The following CSMD2 variants were observed in gnomAD, a reference collection of about 807,000 sequenced individuals.
The protein encoded by CSMD2 is CUB and sushi domain-containing protein 2.
Under a neutral mutation model 398.5 loss-of-function variants are expected in CSMD2, and 130 were observed. That is an observed-to-expected ratio of 0.33 (90% CI 0.28 to 0.38). The LOEUF is 0.38. CSMD2 is among the 10% of genes least tolerant of loss of function. The pLI is 1.00. For synonymous variants in CSMD2, 1,828 were observed against 1,908.5 expected (o/e 0.96, Z 1.10); for missense variants, 3,829 against 4,764.9 (o/e 0.80, Z 5.78).
intron 46 of CSMD2, 43 bp downstream of exon 46, chr1:33,586,461 A>G (rs748536689): frequency 1.6e-6 from 2 of 1,286,342 alleles, no homozygotes; most frequent in Admixed American, 1.7e-5. Context: ...TTTGTTCAGG[A>G]GGAACTTCTA....
rs1254180903 is a variant in CSMD2, at chr1:34,164,707, GTGAGGGTGGAGGTGAGGACGTGGC to G, written c.187+180_187+203del. ...GGCTGGGGTTGGGGCAGCAGTGAGG[GTGAGGGTGGAGGTGAGGACGTGGC>G]TGAGGGTGGGGTGGGAGACGGAGGC... On this transcript the variant is annotated intron_variant, in intron 1 of 70. Transcript: ENST00000373381. This position sits in a 1 kb window ranked among gnomAD's most constrained non-coding sequence, Gnocchi z 6.2. 1.3e-4 allele frequency among the ~76,000 whole-genome samples: 20 copies of G among 152,090 alleles called. No homozygotes were observed. Among genetic ancestry groups the G allele is most frequent in the Admixed American group, 3.3e-4 (5 of 15,282 alleles).
chr1:33,876,403 T>C (rs570466345), intron 5 of CSMD2, among the ~76,000 whole-genome samples: 21 of 152,324 alleles, frequency 1.4e-4, no homozygotes, highest in African/African-American at 5.1e-4. Flanking sequence ...TTTATTCTTA[T>C]GTATAATGGC....
At chr1:33,625,380 G>T in intron 33 of CSMD2, 126 bp from the exon 34 acceptor site, 1 of 873,016 alleles carries the variant, frequency 1.1e-6, no homozygotes, top group Non-Finnish European at 1.8e-6. Context: ...ATGCTCTCCC[G>T]TAGGGAAGGG....
intron 44 of CSMD2, among the ~76,000 whole-genome samples, chr1:33,593,537 A>G (rs1470950876): frequency 6.6e-6 from 1 of 152,186 alleles, no homozygotes; most frequent in Non-Finnish European, 1.5e-5. Flanking sequence ...ATTTTTTAAA[A>G]CCATCAGATC....
intron 44 of CSMD2, among the ~76,000 whole-genome samples, chr1:33,591,235 A>G (rs866525447): frequency 1.1e-4 from 17 of 152,040 alleles, no homozygotes; most frequent in African/African-American, 4.1e-4. Flanking sequence ...TGATCCGCCC[A>G]CCTTGGCCTC....
intron 6 of CSMD2, among the ~76,000 whole-genome samples, chr1:33,841,868 CA>C: frequency 6.6e-6 from 1 of 152,260 alleles, no homozygotes; most frequent in Admixed American, 6.5e-5. Flanking sequence ...ATTTGAAAAC[CA>C]CTTTTTTGGC....
At chr1:34,024,987 G>A (rs1297855316) in intron 3 of CSMD2, among the ~76,000 whole-genome samples, 1 of 152,172 alleles carries the variant, frequency 6.6e-6, no homozygotes, top group Admixed American at 6.5e-5. Flanking sequence ...CCATGTACTT[G>A]CTTCCAATTC....
Position 33,788,818 on chromosome 1 carries a change from T to A in CSMD2, c.1551-106A>T, listed in dbSNP as rs573268499. Reference sequence around the variant, plus strand: ...AGGACTATCCAGGATCCAGGCCCGCTCGGGCAAATTCTGGGCCCCACTGTG... The same window carrying A: ...AGGACTATCCAGGATCCAGGCCCGCACGGGCAAATTCTGGGCCCCACTGTG... On this transcript the variant is annotated intron_variant, in intron 11 of 70. Transcript: ENST00000373381. 83 of 711,730 alleles carry A rather than the reference T, an allele frequency of 1.2e-4. No homozygotes were observed. The African/African-American group carries it at 1.3e-3, about 12-fold the overall frequency. 44.1% of individuals were successfully genotyped at this position (711,730 alleles called of 1,614,324 possible).
At chr1:33,825,049 A>T (rs1201623448) in intron 7 of CSMD2, among the ~76,000 whole-genome samples, 1 of 152,146 alleles carries the variant, frequency 6.6e-6, no homozygotes. Context: ...TCTGGGACCC[A>T]CATTCCAGAC....
intron 3 of CSMD2, among the ~76,000 whole-genome samples, chr1:33,988,279 C>T (rs1646429491): frequency 6.6e-6 from 1 of 152,158 alleles, no homozygotes; most frequent in Non-Finnish European, 1.5e-5. Context: ...GGAGGAGACC[C>T]GAGTGACATG....
intron 5 of CSMD2, among the ~76,000 whole-genome samples, chr1:33,872,271 A>C (rs145465705): frequency 6.6e-6 from 1 of 152,168 alleles, no homozygotes; most frequent in Non-Finnish European, 1.5e-5. Flanking sequence ...AGAGAGAAAA[A>C]AAAAAGTTAA....
intron 1 of CSMD2, among the ~76,000 whole-genome samples, chr1:34,132,589 T>C (rs1413650061): frequency 2.0e-5 from 3 of 152,206 alleles, no homozygotes; most frequent in African/African-American, 4.8e-5. Flanking sequence ...AATATTAGCA[T>C]TGGAATCAGG....
At chr1:34,075,917 G>A (rs893926859) in intron 2 of CSMD2, among the ~76,000 whole-genome samples, 16 of 152,106 alleles carry the variant, frequency 1.1e-4, no homozygotes, top group Non-Finnish European at 2.1e-4. Flanking sequence ...ACAGGCTCCC[G>A]GCCTTCAGGA....
At chr1:33,594,423 A>C (rs979263084) in intron 44 of CSMD2, among the ~76,000 whole-genome samples, 1 of 152,180 alleles carries the variant, frequency 6.6e-6, no homozygotes, top group Non-Finnish European at 1.5e-5. Flanking sequence ...GGTTCATTTA[A>C]GGTAACTTTC....
At chr1:34,034,736 C>A (rs1650902423) in intron 2 of CSMD2, among the ~76,000 whole-genome samples, 1 of 151,924 alleles carries the variant, frequency 6.6e-6, no homozygotes, top group African/African-American at 2.4e-5. Context: ...ACATAAAACC[C>A]CAGAGGCCTT....
At chr1:33,722,684 T>A (rs1571343354) in intron 19 of CSMD2, among the ~76,000 whole-genome samples, 2 of 65,596 alleles carry the variant, frequency 3.0e-5, no homozygotes, top group Non-Finnish European at 5.7e-5. Flanking sequence ...CATGTTGCGA[T>A]TTTTTTTTTT....
At chr1:33,730,540 C>T (rs1031816715) in intron 15 of CSMD2, among the ~76,000 whole-genome samples, 2 of 150,834 alleles carry the variant, frequency 1.3e-5, no homozygotes, top group Non-Finnish European at 3.0e-5. Context: ...AGCATAATCC[C>T]ACATGAAGAA....
intron 6 of CSMD2, 59 bp downstream of exon 6, chr1:33,846,825 C>T (rs1638283278): frequency 8.8e-7 from 1 of 1,140,970 alleles, no homozygotes; most frequent in African/African-American, 1.6e-5. Flanking sequence ...GTGATGAGCC[C>T]TCCAGGTGTC....
chr1:34,123,275 G>A (rs1487433103), intron 1 of CSMD2, among the ~76,000 whole-genome samples: 2 of 152,168 alleles, frequency 1.3e-5, no homozygotes, highest in Non-Finnish European at 2.9e-5. Flanking sequence ...ACGTAATGAA[G>A]CTTCCCTAAA....
Sources: gnomAD v4.1 joint callset for allele counts (sites outside exome capture counted in the v4.1 genomes callset) on GRCh38, gnomAD v4.1.1 for gene constraint, Gnocchi (gnomAD v3.1) non-coding constraint, MANE v1.5 for transcripts, NCBI Gene and HGNC (gene_info 2026-07-23, HGNC 2026-07-21) for gene names.